SPAG16: variants seen among roughly 807,000 people sequenced by gnomAD.
SPAG16 encodes the protein sperm associated antigen 16, also known as sperm-associated antigen 16 protein.
SPAG16 carries 86 observed loss-of-function variants against 80.4 expected under a neutral mutation model. The observed-to-expected ratio is 1.07, with a 90% CI of 0.90 to 1.28. The LOEUF (loss-of-function observed/expected upper bound fraction) is 1.28, where lower values mean the gene tolerates loss of function less well. Among genes scored for constraint, SPAG16 ranks in the 50% most tolerant of loss-of-function variants. The pLI is 0.00. For missense variants in SPAG16, 870 were observed against 765.3 expected, an observed-to-expected ratio of 1.14 and a Z score of -1.61; for synonymous variants, 294 against 265.9, an observed-to-expected ratio of 1.11 and a Z score of -1.03.
intron 15 of SPAG16, among the ~76,000 whole-genome samples, chr2:214,254,388 T>G (rs558997548): frequency 4.4e-4 from 67 of 152,226 alleles, no homozygotes; most frequent in African/African-American, 1.6e-3. Flanking sequence ...ATGCTTCCAG[T>G]TTTTGCCCAT....
chr2:213,485,766 A>G (rs1258607440), intron 9 of SPAG16, among the ~76,000 whole-genome samples: 1 of 152,100 alleles, frequency 6.6e-6, no homozygotes, highest in Non-Finnish European at 1.5e-5. Flanking sequence ...TAGTTCAATG[A>G]ACAGCAAATA....
chr2:213,749,559 T>G (rs1365617869), intron 10 of SPAG16, among the ~76,000 whole-genome samples: 1 of 152,198 alleles, frequency 6.6e-6, no homozygotes, highest in African/African-American at 2.4e-5. Context: ...GCTGAAGTAG[T>G]GTCTAGTATC....
At chr2:213,644,075 C>T (rs994726897) in intron 10 of SPAG16, among the ~76,000 whole-genome samples, 3 of 151,168 alleles carry the variant, frequency 2.0e-5, no homozygotes, top group African/African-American at 7.3e-5. Context: ...GACACCACGC[C>T]CGGCCCAAGC....
At chr2:214,220,838 T>G (rs182508859) in intron 15 of SPAG16, among the ~76,000 whole-genome samples, 1 of 152,248 alleles carries the variant, frequency 6.6e-6, no homozygotes, top group Admixed American at 6.5e-5. Flanking sequence ...CTGAAGGTAT[T>G]TTATATTCTA....
At chr2:214,008,589 A>G (rs181372794) in intron 12 of SPAG16, among the ~76,000 whole-genome samples, 7 of 152,244 alleles carry the variant, frequency 4.6e-5, no homozygotes, top group Non-Finnish European at 7.4e-5. Flanking sequence ...CACTAAAAAT[A>G]CAAAAATCAG....
chr2:213,873,915 A>G (rs2076043848), intron 11 of SPAG16, among the ~76,000 whole-genome samples: 2 of 152,144 alleles, frequency 1.3e-5, no homozygotes, highest in Non-Finnish European at 2.9e-5. Context: ...CAGGCTATAT[A>G]CCATAGACTA....
intron 10 of SPAG16, among the ~76,000 whole-genome samples, chr2:213,705,280 GAGGA>G (rs1443361979): frequency 2.0e-5 from 3 of 151,448 alleles, no homozygotes; most frequent in Admixed American, 6.6e-5. Flanking sequence ...GAGAGGGAGG[GAGGA>G]AGGGAGGGAG....
intron 10 of SPAG16, among the ~76,000 whole-genome samples, chr2:213,621,292 T>C (rs2125053067): frequency 6.6e-6 from 1 of 152,312 alleles, no homozygotes; most frequent in Admixed American, 6.5e-5. Flanking sequence ...ACTATATTAA[T>C]TTTAGTGTCA....
At chr2:213,409,300 C>A (rs773835003) in intron 9 of SPAG16, among the ~76,000 whole-genome samples, 13 of 151,928 alleles carry the variant, frequency 8.6e-5, no homozygotes, top group Non-Finnish European at 1.5e-4. Context: ...AGTTTATGTG[C>A]AAGGTGTGTA....
At chr2:213,389,045 G>A (rs925271174) in intron 9 of SPAG16, among the ~76,000 whole-genome samples, 2 of 152,130 alleles carry the variant, frequency 1.3e-5, no homozygotes, top group Non-Finnish European at 2.9e-5. Context: ...AATCAAAACA[G>A]TATGGTACTG....
intron 4 of SPAG16, among the ~76,000 whole-genome samples, chr2:213,316,361 GC>G (rs1174327283): frequency 6.6e-6 from 1 of 151,992 alleles, no homozygotes; most frequent in East Asian, 1.9e-4. Flanking sequence ...AATCTCCACT[GC>G]TACCAACTTC....
intron 9 of SPAG16, among the ~76,000 whole-genome samples, chr2:213,377,910 T>A (rs865858485): frequency 1.6e-4 from 19 of 119,828 alleles, no homozygotes; most frequent in South Asian, 1.2e-3. Context: ...TATATTTTTT[T>A]TTTTTTTTCT....
In SPAG16 at chr2:213,896,925, GT is replaced by G. The variant is rs987268983; in HGVS notation, c.1215-33034del. Among the ~76,000 whole-genome samples, 17 of 152,104 alleles carry G rather than the reference GT, an allele frequency of 1.1e-4. No homozygotes were observed. In the East Asian group the frequency reaches 2.3e-3, roughly 21 times the overall value. ...CCAGAGAGTGGTGAGAAGGGGAGGG[GT>G]AAAGGGAGGATGAAGAGAAGTTGAT... On this transcript the variant is annotated intron_variant, in intron 11 of 15. Coordinates refer to ENST00000331683, the MANE Select transcript of SPAG16 (RefSeq NM_024532.5).
intron 1 of SPAG16, among the ~76,000 whole-genome samples, chr2:213,287,172 G>A (rs2062086631): frequency 6.6e-6 from 1 of 152,174 alleles, no homozygotes; most frequent in Admixed American, 6.5e-5. Flanking sequence ...AAAAATACTT[G>A]CAGCATTATA....
Position 213,459,274 on chromosome 2 carries a change from ATTG to A in SPAG16, c.943-30674_943-30672del, listed in dbSNP as rs575093805. On this transcript the variant is annotated intron_variant, in intron 9 of 15. Transcript: ENST00000331683. ...ATACAGTCTTACGTTTCATATGCCT[ATTG>A]TTGTTGTTGTTGTTTGGTTTTATTT... is the stretch of plus-strand genomic sequence containing the variant. Among the ~76,000 whole-genome samples, 47 of 152,026 alleles carry A rather than the reference ATTG, an allele frequency of 3.1e-4. No individual in the cohort carries two copies. In the South Asian group the frequency reaches 7.9e-3, roughly 26 times the overall value.
At chr2:214,058,387 G>A (rs2050054846) in intron 13 of SPAG16, among the ~76,000 whole-genome samples, 1 of 152,088 alleles carries the variant, frequency 6.6e-6, no homozygotes, top group Non-Finnish European at 1.5e-5. Flanking sequence ...CTGTTCCATG[G>A]AGCAAGCAGA....
intron 10 of SPAG16, among the ~76,000 whole-genome samples, chr2:213,726,574 G>A (rs1107324): frequency 0.056 from 8,585 of 152,176 alleles, 525 homozygotes; most frequent in African/African-American, 0.15. Flanking sequence ...AAGATAAATC[G>A]GGAGCTCGCC....
intron 13 of SPAG16, among the ~76,000 whole-genome samples, chr2:214,078,277 G>C (rs1405796024): frequency 6.6e-6 from 1 of 152,116 alleles, no homozygotes; most frequent in Non-Finnish European, 1.5e-5. Context: ...TCTAGGCCAG[G>C]TGTGGTGTCT....
chr2:214,016,570 G>T (rs989461301), intron 13 of SPAG16, among the ~76,000 whole-genome samples: 2 of 152,172 alleles, frequency 1.3e-5, no homozygotes, highest in African/African-American at 4.8e-5. Context: ...ATGAATAGGA[G>T]AAAAGATTGT....
Sources: allele counts gnomAD v4.1 joint callset (sites outside exome capture counted in the v4.1 genomes callset), GRCh38; gene constraint gnomAD v4.1.1; transcripts MANE v1.5; gene names NCBI Gene and HGNC (gene_info 2026-07-23, HGNC 2026-07-21).